FCHSD2: variants seen among roughly 807,000 people sequenced by gnomAD.
The protein encoded by FCHSD2 is FCH and double SH3 domains 2, also known as F-BAR and double SH3 domains protein 2.
A neutral mutation model predicts 108.1 loss-of-function variants in FCHSD2; 38 were observed. The ratio of observed to expected loss-of-function variants is 0.35; its 90% CI spans 0.27 to 0.46. FCHSD2 has a LOEUF of 0.46. FCHSD2 is among the 20% of genes least tolerant of loss of function. The pLI is 1.00. For missense variants in FCHSD2, 751 were observed against 897.8 expected, an observed-to-expected ratio of 0.84 and a Z score of 2.09; for synonymous variants, 279 against 314.7, an observed-to-expected ratio of 0.89 and a Z score of 1.20.
At chr11:73,036,785 T>C (rs140146837) in intron 3 of FCHSD2, among the ~76,000 whole-genome samples, 19 of 152,342 alleles carry the variant, frequency 1.2e-4, no homozygotes, top group Admixed American at 1.2e-3. Flanking sequence ...CCTCCACAAA[T>C]ATTGTGTTCA....
chr11:72,907,945 T>C (rs1467285249), intron 9 of FCHSD2, among the ~76,000 whole-genome samples: 6 of 152,200 alleles, frequency 3.9e-5, no homozygotes, highest in Non-Finnish European at 8.8e-5. Flanking sequence ...GGTCACCTTA[T>C]TGTGTCATCG....
intron 9 of FCHSD2, among the ~76,000 whole-genome samples, chr11:72,905,700 G>C (rs1169815219): frequency 6.6e-6 from 1 of 151,252 alleles, no homozygotes; most frequent in African/African-American, 2.4e-5. Context: ...TTGGTTTTCT[G>C]TCCTTGTGAT....
At chr11:72,894,445 C>T (rs1383302870) in intron 10 of FCHSD2, among the ~76,000 whole-genome samples, 1 of 152,038 alleles carries the variant, frequency 6.6e-6, no homozygotes, top group African/African-American at 2.4e-5. Flanking sequence ...ATTGTTTGAG[C>T]CCAAGAGATC....
At chr11:73,071,089 A>G (rs1005844766) in intron 3 of FCHSD2, among the ~76,000 whole-genome samples, 4 of 152,166 alleles carry the variant, frequency 2.6e-5, no homozygotes, top group Admixed American at 2.6e-4. Flanking sequence ...CAATATTACT[A>G]AAAGATGGTC....
intron 8 of FCHSD2, 106 bp from the exon 9 acceptor site, chr11:72,922,056 T>A (rs1484115929): frequency 4.3e-6 from 3 of 693,446 alleles, no homozygotes; most frequent in Admixed American, 2.9e-5. Flanking sequence ...AAATTTATTA[T>A]TAATAATAAA....
chr11:72,971,060 C>T (rs566042940), intron 8 of FCHSD2, among the ~76,000 whole-genome samples: 3 of 152,314 alleles, frequency 2.0e-5, no homozygotes, highest in East Asian at 3.9e-4. Context: ...GTTATCCCTA[C>T]TGACCCCCCT....
intron 2 of FCHSD2, among the ~76,000 whole-genome samples, chr11:73,087,380 G>A (rs1859844881): frequency 6.6e-6 from 1 of 151,804 alleles, no homozygotes; most frequent in South Asian, 2.1e-4. Context: ...AAGTTACAGT[G>A]AGCTAAGGTT....
chr11:73,063,860 T>C (rs776205679), intron 3 of FCHSD2, among the ~76,000 whole-genome samples: 4 of 152,126 alleles, frequency 2.6e-5, no homozygotes, highest in Non-Finnish European at 4.4e-5. Context: ...AACACCCCAC[T>C]GTCAATATTA....
At chr11:73,088,842 T>A (rs1475422312) in intron 2 of FCHSD2, among the ~76,000 whole-genome samples, 9 of 152,336 alleles carry the variant, frequency 5.9e-5, no homozygotes, top group Non-Finnish European at 1.3e-4. Flanking sequence ...TGGATTTTTT[T>A]ATATTTCACA....
chr11:73,085,285 G>T (rs529920921), intron 2 of FCHSD2, among the ~76,000 whole-genome samples: 5 of 152,232 alleles, frequency 3.3e-5, no homozygotes, highest in African/African-American at 9.6e-5. Context: ...AATGAGAGAG[G>T]ATTCTGGGAG....
intron 2 of FCHSD2, among the ~76,000 whole-genome samples, chr11:73,126,598 G>A (rs911511759): frequency 1.4e-4 from 21 of 151,942 alleles, no homozygotes; most frequent in African/African-American, 4.6e-4. Flanking sequence ...CAACTAATAC[G>A]AACTTTTATA....
At chr11:73,061,182 G>A (rs1224360204) in intron 3 of FCHSD2, among the ~76,000 whole-genome samples, 1 of 152,142 alleles carries the variant, frequency 6.6e-6, no homozygotes, top group Non-Finnish European at 1.5e-5. Flanking sequence ...CAGGGTGGGG[G>A]GTCACCTCAC....
intron 3 of FCHSD2, among the ~76,000 whole-genome samples, chr11:73,042,193 G>A (rs1858656016): frequency 6.6e-6 from 1 of 152,092 alleles, no homozygotes; most frequent in Admixed American, 6.6e-5. Flanking sequence ...TCCCAGTGTT[G>A]GGACTACAGG....
At chr11:72,946,847 T>C (rs1038060350) in intron 8 of FCHSD2, among the ~76,000 whole-genome samples, 4 of 152,196 alleles carry the variant, frequency 2.6e-5, no homozygotes, top group African/African-American at 4.8e-5. Flanking sequence ...AGGGAAATTT[T>C]TCAAGCTTAA....
At chr11:72,901,590 T>G (rs565585231) in intron 10 of FCHSD2, among the ~76,000 whole-genome samples, 1 of 152,068 alleles carries the variant, frequency 6.6e-6, no homozygotes. Context: ...GTTATGACAG[T>G]GCACAGCACT....
At chr11:73,100,016 C>T (rs1860181124) in intron 2 of FCHSD2, among the ~76,000 whole-genome samples, 1 of 152,184 alleles carries the variant, frequency 6.6e-6, no homozygotes, top group African/African-American at 2.4e-5. Context: ...TAATCTTCAA[C>T]CGCTGCCTTC....
Position 72,989,034 on chromosome 11 carries a change from C to T in FCHSD2, c.451G>A (p.Gly151Ser). The T allele has an allele frequency of 6.2e-7, 1 of 1,610,926 alleles. No individual in the cohort carries two copies. Among genetic ancestry groups the T allele is most frequent in the South Asian group, 1.1e-5 (1 of 90,638 alleles). The change falls in exon 6 of 20, where the codon GGC becomes AGC. Residue 151 changes from glycine to serine, a missense_variant. Gly to Ser is a moderately conservative substitution (Grantham distance 56). Transcript: ENST00000409418. ...LQETVKDLAKGKKKYFETEQM... is the reference protein window; with the variant it reads ...LQETVKDLAKSKKKYFETEQM... ...TCAGTCTCAAAGTATTTCTTTTTGC[C>T]TTTAGCTAAATCTTTCACTGTCTCT...
At chr11:72,993,772 G>T (rs144955256) in intron 5 of FCHSD2, among the ~76,000 whole-genome samples, 2 of 134,986 alleles carry the variant, frequency 1.5e-5, no homozygotes, top group Admixed American at 7.6e-5. Context: ...GTGAGGGGAG[G>T]GGGGAGGGAT....
chr11:72,941,538 A>AT (rs1268198691), intron 8 of FCHSD2, among the ~76,000 whole-genome samples: 2 of 151,856 alleles, frequency 1.3e-5, no homozygotes, highest in African/African-American at 4.8e-5. Flanking sequence ...GTATTGATCT[A>AT]TTTTTTCTTT....
Sources: gnomAD v4.1 joint callset for allele counts (sites outside exome capture counted in the v4.1 genomes callset) on GRCh38, gnomAD v4.1.1 for gene constraint, MANE v1.5 for transcripts, NCBI Gene and HGNC (gene_info 2026-07-23, HGNC 2026-07-21) for gene names.